C1orf185: variants seen among roughly 807,000 people sequenced by gnomAD.
The protein encoded by C1orf185 is uncharacterized protein C1orf185.
Under a neutral mutation model 16.1 loss-of-function variants are expected in C1orf185, and 13 were observed. The observed-to-expected ratio is 0.81, with a 90% CI of 0.53 to 1.28. The LOEUF (loss-of-function observed/expected upper bound fraction) is 1.28. Ranked by LOEUF, C1orf185 falls within the 50% of genes most tolerant of loss-of-function variation. C1orf185 has a pLI of 0.00. For missense variants in C1orf185, 220 were observed against 225.2 expected (o/e 0.98, Z 0.15); for synonymous variants, 80 against 76.9 (o/e 1.04, Z -0.21).
rs1007602495 is a variant in C1orf185 at position 51,110,836 on chromosome 1, G to C, written c.17-1628G>C. Among the ~76,000 whole-genome samples, 3 of 152,090 alleles carry C rather than the reference G, an allele frequency of 2.0e-5. No individual in the cohort carries two copies. The East Asian group carries it at 5.8e-4, about 29-fold the overall frequency. ...ATACAAAAATTAGCCTGGCGTGGTG[G>C]TGTGCACCTGTAGTCCCAGCTACTT... is the stretch of plus-strand genomic sequence containing the variant. On this transcript the variant is annotated intron_variant, in intron 1 of 4. Coordinates refer to ENST00000371759, the MANE Select transcript of C1orf185 (RefSeq NM_001136508.2).
intron 1 of C1orf185, among the ~76,000 whole-genome samples, chr1:51,104,207 T>G (rs1375478913): frequency 6.6e-6 from 1 of 152,148 alleles, no homozygotes; most frequent in Non-Finnish European, 1.5e-5. Context: ...ACCACTTATA[T>G]ACAGCATAAA....
intron 2 of C1orf185, among the ~76,000 whole-genome samples, chr1:51,115,015 T>C (rs1418683299): frequency 6.6e-6 from 1 of 152,174 alleles, no homozygotes; most frequent in African/African-American, 2.4e-5. Flanking sequence ...TCTTGTATCA[T>C]AATGGACTTT....
downstream of C1orf185, among the ~76,000 whole-genome samples, chr1:51,152,161 A>G (rs1451084944): frequency 6.6e-6 from 1 of 152,192 alleles, no homozygotes; most frequent in Non-Finnish European, 1.5e-5. Flanking sequence ...ATCTTGTAGC[A>G]GACCCAGGGC....
intron 3 of C1orf185, among the ~76,000 whole-genome samples, chr1:51,138,618 T>A (rs1222294384): frequency 6.6e-6 from 1 of 152,048 alleles, no homozygotes; most frequent in Non-Finnish European, 1.5e-5. Flanking sequence ...GGTCTCAATC[T>A]CCTGACTTCA....
At chr1:51,112,425 T>C in intron 1 of C1orf185, 39 bp from the exon 2 acceptor site, 1 of 1,453,634 alleles carries the variant, frequency 6.9e-7, no homozygotes, top group East Asian at 2.5e-5. Context: ...AGAATAAAAA[T>C]ACATGCATGA....
chr1:51,117,878 G>A (rs1646169135), intron 2 of C1orf185, among the ~76,000 whole-genome samples: 1 of 151,980 alleles, frequency 6.6e-6, no homozygotes, highest in Non-Finnish European at 1.5e-5. Flanking sequence ...AAAGATTACG[G>A]TACTCTTCCA....
At chr1:51,144,195 T>G (rs1388777875) in intron 3 of C1orf185, among the ~76,000 whole-genome samples, 1 of 152,164 alleles carries the variant, frequency 6.6e-6, no homozygotes. Flanking sequence ...GGCGAGCCTA[T>G]TAGAAATGCA....
At chr1:51,140,589 T>G (rs993621440) in intron 3 of C1orf185, among the ~76,000 whole-genome samples, 4 of 152,248 alleles carry the variant, frequency 2.6e-5, no homozygotes, top group African/African-American at 9.6e-5. Flanking sequence ...ATGGTTGGTA[T>G]AATTCAGTAG....
At chr1:51,132,344 G>A (rs1646292000) in intron 3 of C1orf185, among the ~76,000 whole-genome samples, 1 of 152,148 alleles carries the variant, frequency 6.6e-6, no homozygotes, top group Non-Finnish European at 1.5e-5. Context: ...TAAAAATCAT[G>A]ATAAAACGAT....
chr1:51,121,663 T>C (rs532567860), intron 3 of C1orf185, among the ~76,000 whole-genome samples: 3 of 152,290 alleles, frequency 2.0e-5, no homozygotes, highest in Middle Eastern at 6.8e-3. Context: ...CAGGCAGACC[T>C]CTATGGGGCA....
intron 2 of C1orf185, among the ~76,000 whole-genome samples, chr1:51,113,261 A>G (rs987180966): frequency 6.6e-6 from 1 of 152,118 alleles, no homozygotes; most frequent in Non-Finnish European, 1.5e-5. Context: ...AAAAGCTGAC[A>G]GAATGCCCTG....
intron 3 of C1orf185, among the ~76,000 whole-genome samples, chr1:51,128,346 T>C (rs1190497270): frequency 6.6e-6 from 1 of 152,178 alleles, no homozygotes; most frequent in African/African-American, 2.4e-5. Context: ...CAATTTTCCA[T>C]GGACTTGCCA....
Position 51,102,243 on chromosome 1 carries a change from C to T in C1orf185, c.10C>T (p.Pro4Ser). ...GTTAGAACTCAGTCATATGGCTTCA[C>T]CTAAAGGTATGAGAAGCTGGGTCAT... Reference protein sequence around the residue: MASPKGFFNYLTYF... With the variant: MASSKGFFNYLTYF... The change falls in exon 1 of 5, where the codon CCT becomes TCT. Residue 4 changes from proline to serine, a missense_variant. Coordinates refer to ENST00000371759, the MANE Select transcript of C1orf185 (RefSeq NM_001136508.2). The T allele has an allele frequency of 1.4e-6, 1 of 714,956 alleles. No homozygotes were observed. Among genetic ancestry groups the T allele is most frequent in the South Asian group, 1.5e-5 (1 of 67,048 alleles). 44.3% of individuals were successfully genotyped at this position (714,956 alleles called of 1,614,324 possible). A position where few individuals can be genotyped will look rare whatever the true frequency, so the allele number is the denominator to read the frequency against.
chr1:51,111,399 G>C (rs1570290423), intron 1 of C1orf185, among the ~76,000 whole-genome samples: 1 of 113,530 alleles, frequency 8.8e-6, no homozygotes, highest in African/African-American at 4.6e-5. Flanking sequence ...TGAGAGACAG[G>C]TTTTGCTTTG....
chr1:51,103,078 G>C (rs1402509390), intron 1 of C1orf185, among the ~76,000 whole-genome samples: 2 of 152,006 alleles, frequency 1.3e-5, no homozygotes, highest in Non-Finnish European at 1.5e-5. Flanking sequence ...TATTGTCAGA[G>C]AACATGGTAT....
chr1:51,121,911 C>T (rs1435276619), intron 3 of C1orf185, among the ~76,000 whole-genome samples: 1 of 152,150 alleles, frequency 6.6e-6, no homozygotes, highest in Admixed American at 6.5e-5. Context: ...CCAACTCCCA[C>T]CCTCCACTAA....
At chr1:51,122,452 G>A (rs1481872885) in intron 3 of C1orf185, among the ~76,000 whole-genome samples, 6 of 152,062 alleles carry the variant, frequency 3.9e-5, no homozygotes, top group Non-Finnish European at 7.3e-5. Context: ...TTTTCTTCAA[G>A]CCATTGTAGA....
downstream of C1orf185, among the ~76,000 whole-genome samples, chr1:51,150,942 A>G (rs1314885258): frequency 6.6e-6 from 1 of 152,200 alleles, no homozygotes; most frequent in Non-Finnish European, 1.5e-5. Context: ...CCTTTGTACC[A>G]GAGGGAGCCA....
In C1orf185 at chr1:51,124,373, T is replaced by A. The variant is rs571826080; in HGVS notation, c.258+5572T>A. Among the ~76,000 whole-genome samples, 52 of 152,348 alleles carry A rather than the reference T, an allele frequency of 3.4e-4. No individual in the cohort carries two copies. In the South Asian group the frequency reaches 4.1e-3, roughly 12 times the overall value. On this transcript the variant is annotated intron_variant, in intron 3 of 4. Transcript: ENST00000371759. The stretch of plus-strand genomic sequence containing the variant: ...CTGGGATTATAGGCGTGAGCCACTG[T>A]ACCTGGCCTCTTTGCACTATTTTTA...
Sources: allele counts gnomAD v4.1 joint callset (sites outside exome capture counted in the v4.1 genomes callset), GRCh38; gene constraint gnomAD v4.1.1; transcripts MANE v1.5; gene names NCBI Gene and HGNC (gene_info 2026-07-23, HGNC 2026-07-21).